Variants in CLVS1 observed in about 807,000 individuals in gnomAD.
CLVS1 encodes clavesin 1.
A neutral mutation model predicts 33.1 loss-of-function variants in CLVS1; 10 were observed. The ratio of observed to expected loss-of-function variants is 0.30; its 90% CI spans 0.19 to 0.51. CLVS1 has a LOEUF of 0.51. Among genes scored for constraint, CLVS1 ranks in the 20% least tolerant of loss-of-function variants. The pLI is 0.97. For missense variants in CLVS1, 343 were observed against 433.4 expected (o/e 0.79, Z 1.85); for synonymous variants, 163 against 166.1 (o/e 0.98, Z 0.14).
chr8:61,314,335 T>C (rs1461128164), intron 2 of CLVS1, among the ~76,000 whole-genome samples: 1 of 152,230 alleles, frequency 6.6e-6, no homozygotes, highest in East Asian at 1.9e-4. Flanking sequence ...ATTTGATCTC[T>C]AAAGTTTTCT....
chr8:61,373,938 T>A (rs1377128867), intron 2 of CLVS1, among the ~76,000 whole-genome samples: 1 of 152,206 alleles, frequency 6.6e-6, no homozygotes, highest in African/African-American at 2.4e-5. Flanking sequence ...CTTTCACCCT[T>A]GTTCACAGTT....
intron 3 of CLVS1, among the ~76,000 whole-genome samples, chr8:61,411,123 C>T (rs1011195209): frequency 5.9e-5 from 9 of 152,146 alleles, no homozygotes; most frequent in Non-Finnish European, 1.0e-4. Flanking sequence ...TTCTGGAGAG[C>T]AAATAATCAT....
chr8:61,492,106 T>C (rs1367015684), intron 5 of CLVS1, among the ~76,000 whole-genome samples: 9 of 152,170 alleles, frequency 5.9e-5, no homozygotes, highest in African/African-American at 2.2e-4. Flanking sequence ...TAAGGATTAC[T>C]AGATTATTCT....
chr8:61,300,218 G>A lies in CLVS1; in HGVS notation c.391G>A (p.Glu131Lys), dbSNP rs1254755181. ...ALIDGFPGVLENRDHYGRKIL... is the reference protein window; with the variant it reads ...ALIDGFPGVLKNRDHYGRKIL... ...GATCGATGGGTTCCCCGGGGTGCTG[G>A]AAAACCGAGACCATTACGGCAGGAA... is the stretch of plus-strand genomic sequence containing the variant. The change falls in exon 2 of 6, where the codon GAA (glutamate) becomes AAA (lysine). Residue 131 changes from glutamate (E) to lysine (K), a missense_variant. Glu to Lys is a moderately conservative substitution (Grantham distance 56, BLOSUM62 1). Around this residue, in one of 4 missense-constraint regions of CLVS1, gnomAD observed 166 missense variants for 244.0 expected, o/e 0.68. Coordinates refer to ENST00000325897, the MANE Select transcript of CLVS1 (RefSeq NM_173519.3). 1.9e-6 allele frequency: 3 copies of A among 1,613,894 alleles called. No individual in the cohort carries two copies. Among genetic ancestry groups the A allele is most frequent in the Non-Finnish European group, 2.5e-6 (3 of 1,179,962 alleles).
At chr8:61,219,520 T>C (rs527664768) in intron 2 of CLVS1, among the ~76,000 whole-genome samples, 54 of 152,376 alleles carry the variant, frequency 3.5e-4, no homozygotes, top group African/African-American at 1.3e-3. Context: ...GGTGTATATG[T>C]ACCACATTTT....
chr8:61,326,815 A>G (rs554323702), intron 2 of CLVS1, among the ~76,000 whole-genome samples: 9 of 152,210 alleles, frequency 5.9e-5, no homozygotes, highest in Non-Finnish European at 8.8e-5. Flanking sequence ...TCCAAATCTG[A>G]TGTTCTATAT....
intron 1 of CLVS1, chr8:61,292,357 T>G (rs1221495171): frequency 2.2e-6 from 1 of 456,252 alleles, no homozygotes; most frequent in Non-Finnish European, 4.4e-6. Flanking sequence ...TGCCATTGTC[T>G]GTGCAATCAC....
At chr8:61,061,000 C>A (rs960314241) in intron 1 of CLVS1, among the ~76,000 whole-genome samples, 1 of 152,158 alleles carries the variant, frequency 6.6e-6, no homozygotes, top group African/African-American at 2.4e-5. Context: ...GTTTTTATAG[C>A]CTCCTCAGCT....
At chr8:61,063,287 GAGAGAGAT>G (rs1250648062) in intron 1 of CLVS1, among the ~76,000 whole-genome samples, 4,391 of 117,086 alleles carry the variant, frequency 0.038, 378 homozygotes, top group African/African-American at 0.16. Flanking sequence ...GAGAGAGAGA[GAGAGAGAT>G]AGAGAGAGAG....
the CLVS1 span, among the ~76,000 whole-genome samples, chr8:60,976,790 C>T: frequency 2.4e-4 from 37 of 152,318 alleles, no homozygotes; most frequent in South Asian, 6.2e-3. Context: ...GCCATGGGGG[C>T]GGTGGTATGC....
intron 2 of CLVS1, among the ~76,000 whole-genome samples, chr8:61,274,521 T>C (rs1360023379): frequency 1.3e-5 from 2 of 152,196 alleles, no homozygotes; most frequent in East Asian, 1.9e-4. Context: ...AACCAAATTC[T>C]GATTAGTGAG....
chr8:61,188,498 CTTAAATAAA>C (rs957833661), intron 2 of CLVS1, among the ~76,000 whole-genome samples: 1 of 107,818 alleles, frequency 9.3e-6, no homozygotes, highest in Admixed American at 8.7e-5. Flanking sequence ...ACAGATTATG[CTTAAATAAA>C]TTAGAGAAAA....
At chr8:61,489,363 T>G (rs150097275) in intron 5 of CLVS1, among the ~76,000 whole-genome samples, 1 of 152,352 alleles carries the variant, frequency 6.6e-6, no homozygotes, top group African/African-American at 2.4e-5. Context: ...TGCTTAAGAA[T>G]GTGGACTGTA....
intron 2 of CLVS1, among the ~76,000 whole-genome samples, chr8:61,231,286 G>GCAAACACA (rs1554548245): frequency 1.3e-5 from 2 of 149,976 alleles, no homozygotes; most frequent in Non-Finnish European, 3.0e-5. Context: ...ACCTGTGCTT[G>GCAAACACA]CACACACACA....
upstream of CLVS1, among the ~76,000 whole-genome samples, chr8:61,284,185 A>T (rs1226856732): frequency 6.6e-6 from 1 of 152,202 alleles, no homozygotes; most frequent in East Asian, 1.9e-4. Context: ...TAGAAGTAGA[A>T]AGTAGAATAG....
chr8:60,966,498 A>T, the CLVS1 span: 9 of 419,208 alleles, frequency 2.1e-5, no homozygotes, highest in Non-Finnish European at 4.3e-5. Flanking sequence ...ATATATTTGC[A>T]TATGCCATGA....
intron 1 of CLVS1, among the ~76,000 whole-genome samples, chr8:61,086,774 T>C (rs1271477307): frequency 6.6e-6 from 1 of 152,220 alleles, no homozygotes. Flanking sequence ...CTACGGTTAT[T>C]TTCTGGAACA....
chr8:61,192,749 G>C (rs1279174643), intron 2 of CLVS1, among the ~76,000 whole-genome samples: 1 of 152,150 alleles, frequency 6.6e-6, no homozygotes, highest in African/African-American at 2.4e-5. Context: ...CATTTATGCA[G>C]CCAACAGACA....
At chr8:61,210,348 G>A (rs1328823471) in intron 2 of CLVS1, among the ~76,000 whole-genome samples, 2 of 152,236 alleles carry the variant, frequency 1.3e-5, no homozygotes, top group Non-Finnish European at 2.9e-5. Flanking sequence ...AACTGCCGAT[G>A]TCTTGGTCTT....
Sources: allele counts gnomAD v4.1 joint callset (sites outside exome capture counted in the v4.1 genomes callset), GRCh38; gene constraint gnomAD v4.1.1; regional missense constraint gnomAD v4.1.1; transcripts MANE v1.5; gene names NCBI Gene and HGNC (gene_info 2026-07-23, HGNC 2026-07-21).